TBX15: variants seen among roughly 807,000 people sequenced by gnomAD.
The protein encoded by TBX15 is T-box transcription factor 15, also known as T-box transcription factor TBX15.
Under a neutral mutation model 53.9 loss-of-function variants are expected in TBX15, and 18 were observed. The ratio of observed to expected loss-of-function variants is 0.33; its 90% CI spans 0.23 to 0.49. The LOEUF (loss-of-function observed/expected upper bound fraction) is 0.49. Among genes scored for constraint, TBX15 ranks in the 20% least tolerant of loss-of-function variants. The pLI is 0.98. For synonymous variants in TBX15, 295 were observed against 278.0 expected, an observed-to-expected ratio of 1.06 and a Z score of -0.61; for missense variants, 692 against 749.5, an observed-to-expected ratio of 0.92 and a Z score of 0.90.
chr1:118,976,437 G>T (rs141001771), intron 1 of TBX15, among the ~76,000 whole-genome samples: 140 of 152,324 alleles, frequency 9.2e-4, no homozygotes, highest in African/African-American at 3.2e-3. Context: ...GACAAAGAAT[G>T]AATCCTTCTA....
chr1:118,904,935 C>T (rs896532456), intron 6 of TBX15, among the ~76,000 whole-genome samples: 1 of 152,170 alleles, frequency 6.6e-6, no homozygotes, highest in African/African-American at 2.4e-5. Context: ...CTAAGTCTGC[C>T]TATCTGTAAA....
upstream of TBX15, among the ~76,000 whole-genome samples, chr1:118,989,029 C>A (rs1006366963): frequency 6.6e-6 from 1 of 152,196 alleles, no homozygotes; most frequent in Non-Finnish European, 1.5e-5. Context: ...GCTCCTCAGG[C>A]GTATTCCAGC....
chr1:118,894,791 A>C (rs1390886590), intron 7 of TBX15, among the ~76,000 whole-genome samples: 1 of 152,198 alleles, frequency 6.6e-6, no homozygotes, highest in Non-Finnish European at 1.5e-5. Context: ...CTTCGGGGAC[A>C]AAACAAAATA....
chr1:118,964,547 C>T (rs1656979979), intron 1 of TBX15, among the ~76,000 whole-genome samples: 1 of 152,222 alleles, frequency 6.6e-6, no homozygotes, highest in African/African-American at 2.4e-5. Flanking sequence ...CTTCCAGGGG[C>T]TCCAAACATC....
intron 1 of TBX15, among the ~76,000 whole-genome samples, chr1:118,934,374 G>A (rs548875766): frequency 1.3e-5 from 2 of 152,226 alleles, no homozygotes; most frequent in South Asian, 4.2e-4. Context: ...ATTACCATAG[G>A]AGTTAAATAA....
intron 7 of TBX15, among the ~76,000 whole-genome samples, chr1:118,894,661 C>T (rs1654359652): frequency 6.6e-6 from 1 of 151,950 alleles, no homozygotes; most frequent in Non-Finnish European, 1.5e-5. Context: ...AATGGTTGAG[C>T]ATGGGGGTAG....
At chr1:118,975,137 T>C (rs1367497892) in intron 1 of TBX15, among the ~76,000 whole-genome samples, 2 of 152,212 alleles carry the variant, frequency 1.3e-5, no homozygotes, top group Non-Finnish European at 2.9e-5. Flanking sequence ...GCAGAGGTTT[T>C]AGATAAAATT....
chr1:118,934,766 C>T lies in TBX15; in HGVS notation c.206-2934G>A, dbSNP rs368095199. On this transcript the variant is annotated intron_variant, in intron 1 of 7. Transcript: ENST00000369429. ...GAGATCCAAGAGGGCTAGAACACTCCTGGGGAACCCATTGTTACTAGAAAG... is the reference window on the plus strand; with the variant it reads ...GAGATCCAAGAGGGCTAGAACACTCTTGGGGAACCCATTGTTACTAGAAAG... Among the ~76,000 whole-genome samples, 6 of 152,332 alleles carry T rather than the reference C, an allele frequency of 3.9e-5. No individual in the cohort carries two copies. In the East Asian group the frequency reaches 9.6e-4, roughly 24 times the overall value.
At chr1:118,908,745 GTCTC>G (rs145625575) in intron 6 of TBX15, among the ~76,000 whole-genome samples, 51 of 149,100 alleles carry the variant, frequency 3.4e-4, no homozygotes, top group African/African-American at 5.9e-4. Flanking sequence ...ACCTACTCCT[GTCTC>G]TCTCTCTCTC....
intron 1 of TBX15, among the ~76,000 whole-genome samples, chr1:118,957,666 C>A (rs796787821): frequency 1.2e-4 from 19 of 152,324 alleles, no homozygotes; most frequent in African/African-American, 4.3e-4. Context: ...GTTCCCCTTC[C>A]TGTGTCTATG....
intron 1 of TBX15, among the ~76,000 whole-genome samples, chr1:118,975,442 A>T (rs1657392211): frequency 1.3e-5 from 2 of 152,228 alleles, no homozygotes; most frequent in Admixed American, 1.3e-4. Context: ...CAGCAAACAT[A>T]AATTTCCACC....
chr1:118,901,935 C>A (rs1654643952), intron 6 of TBX15, among the ~76,000 whole-genome samples: 1 of 152,204 alleles, frequency 6.6e-6, no homozygotes, highest in South Asian at 2.1e-4. Context: ...TCTGTTACAG[C>A]AAGGATCAGT....
Position 118,948,167 on chromosome 1 carries a change from A to G in TBX15, c.206-16335T>C, listed in dbSNP as rs556255065. On this transcript the variant is annotated intron_variant, in intron 1 of 7. Coordinates refer to ENST00000369429, the MANE Select transcript of TBX15 (RefSeq NM_001330677.2). ...TCTATTATGCTAAGTGCCTTTTCCT[A>G]TATTCTGATTCTCTGTTAAGAGACA... Among the ~76,000 whole-genome samples, 86 of 152,118 alleles carry G rather than the reference A, an allele frequency of 5.7e-4. 1 individual carries two copies. In the South Asian group the frequency reaches 0.017, roughly 31 times the overall value.
rs114697606 is a variant in TBX15, at chr1:118,929,990, C to T, written c.419+1629G>A. Among the ~76,000 whole-genome samples, 563 of 152,270 alleles carry T rather than the reference C, an allele frequency of 3.7e-3. 4 individuals carry two copies. Among genetic ancestry groups the T allele is most frequent in the African/African-American group, 0.013 (549 of 41,546 alleles). On this transcript the variant is annotated intron_variant, in intron 2 of 7. Coordinates refer to ENST00000369429, the MANE Select transcript of TBX15 (RefSeq NM_001330677.2). ...AATGTGGAACAGAAGTACACTGAGA[C>T]CCAAGCAACGAAAAAGAGATGATAT...
intron 4 of TBX15, among the ~76,000 whole-genome samples, chr1:118,923,996 C>T (rs1054371022): frequency 6.6e-6 from 1 of 152,162 alleles, no homozygotes; most frequent in African/African-American, 2.4e-5. Flanking sequence ...TATTTGCATT[C>T]ATTATTGAAT....
chr1:118,984,242 C>G (rs1557910596), intron 1 of TBX15, among the ~76,000 whole-genome samples: 2 of 152,226 alleles, frequency 1.3e-5, no homozygotes, highest in Admixed American at 1.3e-4. Context: ...TTGGATGTGC[C>G]TGTCTAGGTG....
At chr1:118,957,280 G>A (rs1457730188) in intron 1 of TBX15, among the ~76,000 whole-genome samples, 1 of 152,172 alleles carries the variant, frequency 6.6e-6, no homozygotes, top group African/African-American at 2.4e-5. Flanking sequence ...CCAATCCAGT[G>A]AGGGTCAGAC....
intron 1 of TBX15, among the ~76,000 whole-genome samples, chr1:118,942,315 C>G (rs1445616119): frequency 6.6e-6 from 1 of 152,180 alleles, no homozygotes; most frequent in African/African-American, 2.4e-5. Context: ...ATCCTCAGCA[C>G]CTGGAACAGT....
intron 6 of TBX15, among the ~76,000 whole-genome samples, chr1:118,899,975 G>A (rs1193385945): frequency 1.3e-5 from 2 of 152,162 alleles, no homozygotes; most frequent in East Asian, 1.9e-4. Flanking sequence ...ACATATGCAA[G>A]TGCTGATATA....
Sources: allele counts gnomAD v4.1 joint callset (sites outside exome capture counted in the v4.1 genomes callset), GRCh38; gene constraint gnomAD v4.1.1; transcripts MANE v1.5; gene names NCBI Gene and HGNC (gene_info 2026-07-23, HGNC 2026-07-21).